PTER: variants seen among roughly 807,000 people sequenced by gnomAD.
PTER encodes phosphotriesterase related.
Under a neutral mutation model 29.6 loss-of-function variants are expected in PTER, and 38 were observed. The ratio of observed to expected loss-of-function variants is 1.28; its 90% CI spans 0.99 to 1.68. PTER has a LOEUF of 1.68. PTER is among the 40% of genes most tolerant of loss of function. PTER has a pLI of 0.00. For synonymous variants in PTER, 172 were observed against 154.5 expected (o/e 1.11, Z -0.84); for missense variants, 482 against 427.8 (o/e 1.13, Z -1.12).
intron 1 of PTER, among the ~76,000 whole-genome samples, chr10:16,477,063 G>T (rs1835296289): frequency 6.6e-6 from 1 of 152,016 alleles, no homozygotes; most frequent in African/African-American, 2.4e-5. Context: ...ACATCACCAT[G>T]CCTGGCTAAT....
intron 4 of PTER, among the ~76,000 whole-genome samples, chr10:16,505,749 G>A (rs969006892): frequency 1.7e-4 from 26 of 152,242 alleles, no homozygotes; most frequent in African/African-American, 6.0e-4. Context: ...TACCTAGTTT[G>A]GTCTTGGTCA....
At chr10:16,482,236 G>T (rs1483306314) in intron 1 of PTER, among the ~76,000 whole-genome samples, 1 of 152,148 alleles carries the variant, frequency 6.6e-6, no homozygotes, top group Non-Finnish European at 1.5e-5. Flanking sequence ...AATTGCAGTG[G>T]CTTGCTATAA....
intron 1 of PTER, among the ~76,000 whole-genome samples, chr10:16,480,797 C>G (rs1211758811): frequency 2.6e-5 from 4 of 152,216 alleles, no homozygotes; most frequent in Non-Finnish European, 5.9e-5. Context: ...AAATTGCCCC[C>G]AAACTACCGT....
chr10:16,495,705 C>T (rs960987463), intron 3 of PTER, among the ~76,000 whole-genome samples: 1 of 152,160 alleles, frequency 6.6e-6, no homozygotes, highest in Non-Finnish European at 1.5e-5. Flanking sequence ...CCCTCACAGG[C>T]CCACCACTTG....
chr10:16,490,083 T>G (rs901490466), intron 3 of PTER, among the ~76,000 whole-genome samples: 1 of 152,328 alleles, frequency 6.6e-6, no homozygotes, highest in Non-Finnish European at 1.5e-5. Context: ...CCTAACCCAC[T>G]GAACACTACA....
At chr10:16,464,178 G>A (rs1834725672) in intron 1 of PTER, among the ~76,000 whole-genome samples, 1 of 152,182 alleles carries the variant, frequency 6.6e-6, no homozygotes. Context: ...ATAGAAAGCT[G>A]AGGGTTTAAT....
chr10:16,478,892 A>G lies in PTER; in HGVS notation c.-48-5445A>G, dbSNP rs543312932. ...GGATTTACTTACCAGTTTAAGATGA[A>G]CACCTCACATCAAGGAATGCAGGAT... On this transcript the variant is annotated intron_variant, in intron 1 of 4. Coordinates refer to ENST00000535784, the MANE Select transcript of PTER (RefSeq NM_001261836.2). 2.1e-3 allele frequency among the ~76,000 whole-genome samples: 319 copies of G among 152,284 alleles called. 1 individual carries two copies. Among genetic ancestry groups the G allele is most frequent in the African/African-American group, 7.2e-3 (300 of 41,546 alleles).
intron 1 of PTER, among the ~76,000 whole-genome samples, chr10:16,482,512 G>A (rs1309992725): frequency 2.6e-5 from 4 of 152,094 alleles, no homozygotes; most frequent in African/African-American, 7.2e-5. Context: ...TTATTTTTAC[G>A]ACAGTCTATG....
chr10:16,447,930 C>G (rs553967651), intron 1 of PTER, among the ~76,000 whole-genome samples: 1 of 152,086 alleles, frequency 6.6e-6, no homozygotes, highest in Non-Finnish European at 1.5e-5. Flanking sequence ...TCTTCAGGAC[C>G]CGTTCGAGCC....
intron 1 of PTER, among the ~76,000 whole-genome samples, chr10:16,471,109 T>C (rs1010609960): frequency 4.6e-5 from 7 of 152,216 alleles, no homozygotes; most frequent in Admixed American, 3.3e-4. Context: ...CAGTCGGCGA[T>C]GGACTACCTC....
At chr10:16,507,926 G>A (rs569926825) in intron 4 of PTER, among the ~76,000 whole-genome samples, 3 of 152,338 alleles carry the variant, frequency 2.0e-5, no homozygotes, top group South Asian at 4.1e-4. Context: ...ATACTCAGAG[G>A]AGACTATTCC....
intron 4 of PTER, 57 bp downstream of exon 4, chr10:16,505,217 A>C: frequency 6.3e-7 from 1 of 1,578,700 alleles, no homozygotes; most frequent in Non-Finnish European, 8.6e-7. Flanking sequence ...TTTGATTGTC[A>C]TATCTAGGGA....
At position 16,437,205 on chromosome 10, in the gene PTER, G is replaced by A. The variant is rs146686576; in HGVS notation, c.-49+158G>A. Among the ~76,000 whole-genome samples, 474 of 152,308 alleles carry A rather than the reference G, an allele frequency of 3.1e-3. 4 individuals are homozygous for A. Among genetic ancestry groups the A allele is most frequent in the African/African-American group, 0.011 (444 of 41,568 alleles). On this transcript the variant is annotated intron_variant, in intron 1 of 4. Transcript: ENST00000535784. ...TTTCTAGCCGCTGCGCTTGGGCCCT[G>A]CCGCCTCTCCTTAAGTGCTTGAGGG...
intron 1 of PTER, chr10:16,476,001 C>G (rs1279913218): frequency 1.3e-5 from 2 of 152,168 alleles, no homozygotes; most frequent in African/African-American, 4.8e-5. Context: ...AATCATAATC[C>G]TATTGCTTCT....
At chr10:16,445,268 T>C (rs1460719158) in intron 1 of PTER, among the ~76,000 whole-genome samples, 2 of 152,144 alleles carry the variant, frequency 1.3e-5, no homozygotes, top group Admixed American at 1.3e-4. Flanking sequence ...TTGTTGAGGC[T>C]GAGCGTGGTG....
intron 3 of PTER, among the ~76,000 whole-genome samples, chr10:16,502,845 C>T (rs917144689): frequency 1.3e-5 from 2 of 151,438 alleles, no homozygotes; most frequent in East Asian, 2.0e-4. Flanking sequence ...AACAATTAGC[C>T]GGGAGCAGTG....
intron 3 of PTER, among the ~76,000 whole-genome samples, chr10:16,498,359 G>A (rs540762117): frequency 2.6e-5 from 4 of 152,302 alleles, no homozygotes; most frequent in Non-Finnish European, 2.9e-5. Context: ...ATCAGCTGGC[G>A]CATCAGCTGA....
chr10:16,504,977 T>C, intron 3 of PTER, 43 bp from the exon 4 acceptor site: 1 of 1,606,398 alleles, frequency 6.2e-7, no homozygotes, highest in African/African-American at 1.3e-5. Flanking sequence ...ATGTGGAAAA[T>C]GGGCTCTTCA....
downstream of PTER, among the ~76,000 whole-genome samples, chr10:16,517,142 C>A (rs1348892105): frequency 6.6e-6 from 1 of 152,234 alleles, no homozygotes; most frequent in Non-Finnish European, 1.5e-5. Flanking sequence ...TTTCAGCATT[C>A]TGTCTGGGAA....
Sources: gnomAD v4.1 joint callset for allele counts (sites outside exome capture counted in the v4.1 genomes callset) on GRCh38, gnomAD v4.1.1 for gene constraint, MANE v1.5 for transcripts, NCBI Gene and HGNC (gene_info 2026-07-23, HGNC 2026-07-21) for gene names.